BCL7B: variants seen among roughly 807,000 people sequenced by gnomAD.
BCL7B encodes B-cell CLL/lymphoma 7 protein family member B.
A neutral mutation model predicts 26.5 loss-of-function variants in BCL7B; 11 were observed. That is an observed-to-expected ratio of 0.42 (90% CI 0.26 to 0.69). BCL7B has a LOEUF of 0.69. Among genes scored for constraint, BCL7B ranks in the 30% least tolerant of loss-of-function variants. The pLI is 0.28. For synonymous variants in BCL7B, 111 were observed against 107.9 expected (o/e 1.03, Z -0.18); for missense variants, 215 against 264.4 (o/e 0.81, Z 1.30).
intron 4 of BCL7B, among the ~76,000 whole-genome samples, chr7:73,539,234 ACAGGTGTGAGCCACCGCGC>A (rs573608955): frequency 4.0e-3 from 609 of 151,944 alleles, no homozygotes; most frequent in Middle Eastern, 0.031. Context: ...TGCTGGGATT[ACAGGTGTGAGCCACCGCGC>A]CAGGTCTTTT....
rs549047674 is a variant in BCL7B, at chr7:73,555,180, AGGACCACTTG to A, written c.92+2297_92+2306del. Among the ~76,000 whole-genome samples the A allele has an allele frequency of 6.6e-5, 10 of 152,214 alleles. No homozygotes were observed. In the East Asian group the frequency reaches 1.9e-3, roughly 29 times the overall value. ...CAGCACTTTGGGAGGTCATGGTGGG[AGGACCACTTG>A]GAATTCAGGAGTTCAAGACCAGCTT... is the stretch of plus-strand genomic sequence containing the variant. On this transcript the variant is annotated intron_variant, in intron 1 of 5. Transcript: ENST00000223368.
chr7:73,557,518 C>A lies in BCL7B; in HGVS notation c.61G>T (p.Val21Leu). The A allele has an allele frequency of 1.4e-6, 2 of 1,454,554 alleles. No homozygotes were observed. Among genetic ancestry groups the A allele is most frequent in the South Asian group, 1.4e-5 (1 of 72,478 alleles). 90.1% of individuals were successfully genotyped at this position (1,454,554 alleles called of 1,614,324 possible). ...CGCACTTTCTCGATGGCCGCCATCA[C>A]CTTCTTGATGTCGTCCTTGGCCCGG... ...RSRAKDDIKK[V>L]MAAIEKVRKW... The change falls in exon 1 of 6, where the codon GTG (valine) becomes TTG (leucine). Residue 21 changes from valine (V) to leucine (L), a missense_variant. Val to Leu is a conservative substitution (Grantham distance 32, BLOSUM62 1). Transcript: ENST00000223368.
At chr7:73,550,721 G>A (rs1447779377) in intron 2 of BCL7B, among the ~76,000 whole-genome samples, 5 of 150,828 alleles carry the variant, frequency 3.3e-5, no homozygotes, top group African/African-American at 4.9e-5. Context: ...GCAGTGGTGC[G>A]ATCTCGGCTC....
In BCL7B at chr7:73,552,202, T is replaced by G. The variant is rs781790613; in HGVS notation, c.133A>C (p.Ile45Leu). 5 of 1,610,068 alleles carry G rather than the reference T, an allele frequency of 3.1e-6. No individual in the cohort carries two copies. Among genetic ancestry groups the G allele is most frequent in the Non-Finnish European group, 4.2e-6 (5 of 1,178,978 alleles). The change falls in exon 2 of 6, where the codon ATA becomes CTA. Residue 45 changes from isoleucine (I) to leucine (L), a missense_variant. Physicochemically the swap from Ile to Leu is conservative, Grantham distance 5. Transcript: ENST00000223368. The stretch of plus-strand genomic sequence containing the variant: ...TCTGTCACAGGAACCCACTTAAATA[T>G]CCTCAGGGACGTGTCACCCACAGTC... ...WVTVGDTSLR[I>L]FKWVPVTDSK...
intron 1 of BCL7B, 60 bp from the exon 2 acceptor site, chr7:73,552,302 C>T (rs1792204850): frequency 1.4e-6 from 2 of 1,401,944 alleles, no homozygotes; most frequent in African/African-American, 1.4e-5. Context: ...CTGTTCATCA[C>T]TTGTGTTTTT....
At chr7:73,557,390 G>A in intron 1 of BCL7B, 97 bp downstream of exon 1, 3 of 1,056,370 alleles carry the variant, frequency 2.8e-6, no homozygotes, top group Non-Finnish European at 3.5e-6. Flanking sequence ...CCCTCCCCCA[G>A]CGCCGGCCGG....
chr7:73,557,294 G>A (rs1322363837), intron 1 of BCL7B, 193 bp downstream of exon 1: 27 of 1,153,570 alleles, frequency 2.3e-5, no homozygotes, highest in Middle Eastern at 3.6e-4. Flanking sequence ...CGCGAGCCGG[G>A]AGGACCGCTG....
Position 73,540,181 on chromosome 7 carries a change from T to G in BCL7B, c.266-129A>C, listed in dbSNP as rs893335427. 90 of 970,404 alleles carry G rather than the reference T, an allele frequency of 9.3e-5. No homozygotes were observed. In the South Asian group the frequency reaches 1.4e-3, roughly 16 times the overall value. 60.1% of individuals were successfully genotyped at this position (970,404 alleles called of 1,614,324 possible). A position where few individuals can be genotyped will look rare whatever the true frequency, so the allele number is the denominator to read the frequency against. On this transcript the variant is annotated intron_variant, in intron 3 of 5. Coordinates refer to ENST00000223368, the MANE Select transcript of BCL7B (RefSeq NM_001707.4). Reference sequence around the variant, plus strand: ...ATACAACTGAGTATAATAATCATTGTGCCCGGCCTACACGACATAGATTCT... The same window carrying G: ...ATACAACTGAGTATAATAATCATTGGGCCCGGCCTACACGACATAGATTCT...
intron 5 of BCL7B, among the ~76,000 whole-genome samples, chr7:73,537,610 G>A (rs1554582302): frequency 1.3e-5 from 2 of 152,068 alleles, no homozygotes; most frequent in Non-Finnish European, 2.9e-5. Context: ...AAGCCTGGCC[G>A]GGCACAGTGG....
intron 1 of BCL7B, among the ~76,000 whole-genome samples, chr7:73,555,730 G>T (rs1455008194): frequency 6.6e-6 from 1 of 152,168 alleles, no homozygotes; most frequent in African/African-American, 2.4e-5. Context: ...TACTAGGGGT[G>T]CTAGGATAAG....
intron 2 of BCL7B, among the ~76,000 whole-genome samples, chr7:73,545,857 C>T (rs1024538188): frequency 5.9e-5 from 9 of 152,024 alleles, no homozygotes; most frequent in Admixed American, 5.9e-4. Context: ...ACTGGCCGGG[C>T]GCGGTGGCTC....
At chr7:73,540,688 G>GGCATGATAGCACGCGC (rs1563423506) in intron 3 of BCL7B, 16 of 152,360 alleles carry the variant, frequency 1.1e-4, no homozygotes, top group South Asian at 6.3e-4. Context: ...AAATTAGCCG[G>GGCATGATAGCACGCGC]CTGTGGTGGT....
intron 1 of BCL7B, among the ~76,000 whole-genome samples, chr7:73,556,577 A>T (rs1792367662): frequency 6.6e-6 from 1 of 152,226 alleles, no homozygotes; most frequent in Non-Finnish European, 1.5e-5. Flanking sequence ...ACACCGATAT[A>T]GTATGTATCG....
At chr7:73,552,626 C>T (rs1177278593) in intron 1 of BCL7B, among the ~76,000 whole-genome samples, 1 of 151,214 alleles carries the variant, frequency 6.6e-6, no homozygotes, top group Non-Finnish European at 1.5e-5. Flanking sequence ...AAAAAAAAAA[C>T]AAAAAGTAGC....
intron 2 of BCL7B, among the ~76,000 whole-genome samples, chr7:73,551,049 C>A (rs1467635839): frequency 6.6e-6 from 1 of 152,116 alleles, no homozygotes; most frequent in African/African-American, 2.4e-5. Flanking sequence ...ATACATCCAA[C>A]AAAGATGAAG....
intron 2 of BCL7B, among the ~76,000 whole-genome samples, chr7:73,550,311 C>T (rs1172125679): frequency 6.6e-6 from 1 of 152,060 alleles, no homozygotes; most frequent in Non-Finnish European, 1.5e-5. Context: ...TTTGGGAGGC[C>T]AAGGCAGGCG....
In BCL7B at chr7:73,537,196, C is replaced by T; in HGVS notation, c.*102G>A. 1 of 1,133,032 alleles carries T rather than the reference C, an allele frequency of 8.8e-7. No homozygotes were observed. The highest frequency in any genetic ancestry group is 1.3e-6 in the Non-Finnish European group (1 of 762,858). The allele number at this position is 1,133,032 out of a possible 1,614,324, so 70.2% of individuals were successfully genotyped here. A position where few individuals can be genotyped will look rare whatever the true frequency, so the allele number is the denominator to read the frequency against. ...AGCCCGGAAGGCTCATGTGTGCAGG[C>T]TCTTGACCCCAGTGCTTGCCCTTAC... On this transcript the variant is annotated 3_prime_UTR_variant, in exon 6 of 6. Transcript: ENST00000223368.
intron 3 of BCL7B, chr7:73,542,765 G>A: frequency 3.3e-6 from 1 of 303,424 alleles, no homozygotes; most frequent in Non-Finnish European, 6.9e-6. Context: ...GCTTTGGGTA[G>A]CCTACTCTAA....
At position 73,557,660 on chromosome 7, in the gene BCL7B, G is replaced by T; in HGVS notation, c.-82C>A. 1.3e-6 allele frequency: 1 copy of T among 797,090 alleles called. No homozygotes were observed. The highest frequency in any genetic ancestry group is 1.6e-6 in the Non-Finnish European group (1 of 631,124). 49.4% of individuals were successfully genotyped at this position (797,090 alleles called of 1,614,324 possible). A position where few individuals can be genotyped will look rare whatever the true frequency, so the allele number is the denominator to read the frequency against. On this transcript the variant is annotated 5_prime_UTR_variant, in exon 1 of 6. Transcript: ENST00000223368. ...GCGCCTCACGCGCCGCCGCCCGCCC[G>T]CCGCCGCCGCAGCGTCACAGCGGCC...
Sources: allele counts gnomAD v4.1 joint callset (sites outside exome capture counted in the v4.1 genomes callset), GRCh38; gene constraint gnomAD v4.1.1; transcripts MANE v1.5; gene names NCBI Gene and HGNC (gene_info 2026-07-23, HGNC 2026-07-21).